Variants in PHYHIPL observed in about 807,000 individuals in gnomAD.
PHYHIPL encodes phytanoyl-CoA hydroxylase-interacting protein-like.
Under a neutral mutation model 33.4 loss-of-function variants are expected in PHYHIPL, and 9 were observed. The observed-to-expected ratio is 0.27, with a 90% CI of 0.16 to 0.47. PHYHIPL has a LOEUF of 0.47. Among genes scored for constraint, PHYHIPL ranks in the 20% least tolerant of loss-of-function variants. The pLI is 0.99. For missense variants in PHYHIPL, 365 were observed against 460.7 expected (o/e 0.79, Z 1.90); for synonymous variants, 153 against 154.1 (o/e 0.99, Z 0.05).
At chr10:59,183,427 A>C (rs566023175) in intron 1 of PHYHIPL, among the ~76,000 whole-genome samples, 14 of 152,312 alleles carry the variant, frequency 9.2e-5, no homozygotes, top group Admixed American at 8.5e-4. Flanking sequence ...TGGGGAAAAG[A>C]GTTCTAGAAT....
At chr10:59,187,313 C>T (rs1838637582) in intron 1 of PHYHIPL, among the ~76,000 whole-genome samples, 1 of 152,100 alleles carries the variant, frequency 6.6e-6, no homozygotes, top group Admixed American at 6.5e-5. Context: ...AGGGATGAAG[C>T]CGACTTGATT....
rs1838258889 is a variant in PHYHIPL at position 59,176,663 on chromosome 10, G to A, written c.-191G>A. ...CTCTCAGAGCCGCACACTCCGCGGA[G>A]CTCCTGCCACAGCCGTCGCCTTCGC... On this transcript the variant is annotated 5_prime_UTR_variant, in exon 1 of 5. Coordinates refer to ENST00000373880, the MANE Select transcript of PHYHIPL (RefSeq NM_032439.4). 1.8e-6 allele frequency: 1 copy of A among 560,510 alleles called. No individual in the cohort carries two copies. Among genetic ancestry groups the A allele is most frequent in the Admixed American group, 3.3e-5 (1 of 30,052 alleles). The allele number at this position is 560,510 out of a possible 1,614,324, so 34.7% of individuals were successfully genotyped here. A position where few individuals can be genotyped will look rare whatever the true frequency, so the allele number is the denominator to read the frequency against.
intron 1 of PHYHIPL, among the ~76,000 whole-genome samples, chr10:59,220,999 A>G (rs552307852): frequency 2.0e-5 from 3 of 152,182 alleles, no homozygotes; most frequent in African/African-American, 4.8e-5. Flanking sequence ...CTTTGATCCA[A>G]TGCTGTATTT....
chr10:59,194,591 A>T (rs1838861188), intron 1 of PHYHIPL, among the ~76,000 whole-genome samples: 1 of 152,192 alleles, frequency 6.6e-6, no homozygotes, highest in African/African-American at 2.4e-5. Flanking sequence ...AAAACACATT[A>T]ATCAGGGAAT....
At chr10:59,230,694 T>G (rs1840052896) in intron 1 of PHYHIPL, among the ~76,000 whole-genome samples, 1 of 152,136 alleles carries the variant, frequency 6.6e-6, no homozygotes, top group Admixed American at 6.5e-5. Flanking sequence ...CCTCAGGAGG[T>G]CCTGACGACA....
intron 1 of PHYHIPL, among the ~76,000 whole-genome samples, chr10:59,223,689 G>A (rs1002488652): frequency 6.6e-6 from 1 of 151,712 alleles, no homozygotes; most frequent in Non-Finnish European, 1.5e-5. Flanking sequence ...TTGAGACAGG[G>A]TCTCTGTCAC....
chr10:59,236,467 C>G lies in PHYHIPL; in HGVS notation c.304-16C>G. On this transcript the variant is annotated splice_polypyrimidine_tract_variant and intron_variant, in intron 2 of 4. Transcript: ENST00000373880. ...TCCCCTCATTTTTCTCTCTCTCTTC[C>G]TTCTTTCATTCCTAGGATGTTCCCA... is the stretch of plus-strand genomic sequence containing the variant. 1 of 1,495,174 alleles carries G rather than the reference C, an allele frequency of 6.7e-7. No homozygotes were observed. The highest frequency in any genetic ancestry group is 9.0e-7 in the Non-Finnish European group (1 of 1,108,150). 92.6% of individuals were successfully genotyped at this position (1,495,174 alleles called of 1,614,324 possible). A position where few individuals can be genotyped will look rare whatever the true frequency, so the allele number is the denominator to read the frequency against.
chr10:59,210,129 A>G (rs993516303), intron 1 of PHYHIPL, among the ~76,000 whole-genome samples: 2 of 152,168 alleles, frequency 1.3e-5, no homozygotes, highest in African/African-American at 4.8e-5. Context: ...AACTATCATC[A>G]GAGTGAACAG....
upstream of PHYHIPL, among the ~76,000 whole-genome samples, chr10:59,176,174 A>G (rs1285031691): frequency 6.6e-6 from 1 of 152,014 alleles, no homozygotes; most frequent in Non-Finnish European, 1.5e-5. Flanking sequence ...CCTTCAGGGG[A>G]GGAGGTGGCT....
At position 59,234,430 on chromosome 10, in the gene PHYHIPL, A is replaced by T; in HGVS notation, c.233A>T (p.Asp78Val). The T allele has an allele frequency of 6.2e-7, 1 of 1,603,756 alleles. No individual in the cohort carries two copies. Among genetic ancestry groups the T allele is most frequent in the Admixed American group, 1.8e-5 (1 of 57,094 alleles). ...TGGGAAATGGATTCAAAATCAAAGGATCGCATTACACACTATTTTATTGAC... is the reference window on the plus strand; with the variant it reads ...TGGGAAATGGATTCAAAATCAAAGGTTCGCATTACACACTATTTTATTGAC... ...ISWEMDSKSK[D>V]RITHYFIDLN... The change falls in exon 2 of 5, where the codon GAT becomes GTT. Residue 78 changes from aspartate to valine, a missense_variant. By Grantham distance (152) the Asp-to-Val change is radical. Coordinates refer to ENST00000373880, the MANE Select transcript of PHYHIPL (RefSeq NM_032439.4).
At chr10:59,198,607 C>G (rs1838993966) in intron 1 of PHYHIPL, among the ~76,000 whole-genome samples, 1 of 152,118 alleles carries the variant, frequency 6.6e-6, no homozygotes, top group Non-Finnish European at 1.5e-5. Flanking sequence ...ATTTCTAGTT[C>G]TAGATCCTTG....
At chr10:59,201,291 A>G (rs1057121663) in intron 1 of PHYHIPL, among the ~76,000 whole-genome samples, 18 of 152,066 alleles carry the variant, frequency 1.2e-4, no homozygotes, top group African/African-American at 4.1e-4. Context: ...GAACATCTTT[A>G]TTTCTGCCTT....
rs540593624 is a variant in PHYHIPL, at chr10:59,229,681, AT to A, written c.107-4622del. On this transcript the variant is annotated intron_variant, in intron 1 of 4. Coordinates refer to ENST00000373880, the MANE Select transcript of PHYHIPL (RefSeq NM_032439.4). ...CAGAACAAATTCATAGACAAAAAAA[AT>A]AAATAAATAAAAGGAAGTGACATAC... Among the ~76,000 whole-genome samples, 20 of 152,180 alleles carry A rather than the reference AT, an allele frequency of 1.3e-4. No homozygotes were observed. In the South Asian group the frequency reaches 3.7e-3, roughly 28 times the overall value.
In PHYHIPL at chr10:59,247,565, AACTTT is replaced by A; in HGVS notation, c.*1981_*1985del. 1 of 1,610,276 alleles carries A rather than the reference AACTTT, an allele frequency of 6.2e-7. No homozygotes were observed. Among genetic ancestry groups the A allele is most frequent in the Non-Finnish European group, 8.5e-7 (1 of 1,178,474 alleles). ...TTAGCAAGGATGGCAGAGGAAAATA[AACTTT>A]ACTTTATATCATGGGTGAAAGTGAT... On this transcript the variant is annotated 3_prime_UTR_variant, in exon 5 of 5. Transcript: ENST00000373880.
chr10:59,211,285 G>A (rs1839430865), intron 1 of PHYHIPL, among the ~76,000 whole-genome samples: 1 of 152,110 alleles, frequency 6.6e-6, no homozygotes, highest in Non-Finnish European at 1.5e-5. Flanking sequence ...GATGAGGCAG[G>A]AGGATCACTT....
intron 1 of PHYHIPL, among the ~76,000 whole-genome samples, chr10:59,199,778 T>C (rs893824798): frequency 6.6e-6 from 1 of 152,212 alleles, no homozygotes; most frequent in African/African-American, 2.4e-5. Flanking sequence ...TCACATCCCT[T>C]GTAAGTTGGA....
intron 1 of PHYHIPL, among the ~76,000 whole-genome samples, chr10:59,198,420 A>G (rs941374509): frequency 6.6e-6 from 1 of 152,094 alleles, no homozygotes; most frequent in Non-Finnish European, 1.5e-5. Flanking sequence ...TCCATGGTGT[A>G]TATGTGCCAC....
intron 1 of PHYHIPL, chr10:59,177,407 T>A: frequency 7.1e-7 from 1 of 1,417,768 alleles, no homozygotes; most frequent in African/African-American, 1.4e-5. Flanking sequence ...ATCATTTTCT[T>A]TTTTAAACCT....
At chr10:59,195,284 C>T (rs1838882185) in intron 1 of PHYHIPL, among the ~76,000 whole-genome samples, 1 of 152,036 alleles carries the variant, frequency 6.6e-6, no homozygotes, top group African/African-American at 2.4e-5. Flanking sequence ...GCTGAGGCCA[C>T]ATAACAAAAG....
Sources: allele counts gnomAD v4.1 joint callset (sites outside exome capture counted in the v4.1 genomes callset), GRCh38; gene constraint gnomAD v4.1.1; transcripts MANE v1.5; gene names NCBI Gene and HGNC (gene_info 2026-07-23, HGNC 2026-07-21).